Variants in KIAA0825 observed in about 807,000 individuals in gnomAD.
KIAA0825 encodes the protein uncharacterized protein KIAA0825.
Under a neutral mutation model 147.6 loss-of-function variants are expected in KIAA0825, and 119 were observed. The observed-to-expected ratio is 0.81, with a 90% CI of 0.69 to 0.94. The LOEUF is 0.94. Ranked by LOEUF, KIAA0825 falls within the 40% of genes least tolerant of loss-of-function variation. The probability of loss-of-function intolerance (pLI) is 0.00; values close to 1 mark genes in which losing one functional copy is unlikely to be tolerated. For missense variants in KIAA0825, 1,381 were observed against 1,472.7 expected (o/e 0.94, Z 1.02); for synonymous variants, 470 against 518.1 (o/e 0.91, Z 1.26).
chr5:94,419,735 C>T (rs868650043), intron 14 of KIAA0825, among the ~76,000 whole-genome samples: 4 of 152,082 alleles, frequency 2.6e-5, no homozygotes, highest in Admixed American at 6.6e-5. Flanking sequence ...ATTTTGTTGG[C>T]GGGGAGAAGA....
chr5:94,590,432 C>A (rs758093086), intron 1 of KIAA0825, among the ~76,000 whole-genome samples: 1 of 152,074 alleles, frequency 6.6e-6, no homozygotes, highest in Non-Finnish European at 1.5e-5. Flanking sequence ...GAAATGGACA[C>A]GAACTCTCAA....
intron 2 of KIAA0825, among the ~76,000 whole-genome samples, chr5:94,573,564 G>A (rs946824143): frequency 1.3e-5 from 2 of 152,140 alleles, no homozygotes; most frequent in African/African-American, 4.8e-5. Context: ...GAGCCACCAG[G>A]CCCAGCCTCT....
intron 20 of KIAA0825, among the ~76,000 whole-genome samples, chr5:94,354,307 C>T (rs1158824975): frequency 6.6e-6 from 1 of 152,106 alleles, no homozygotes; most frequent in Non-Finnish European, 1.5e-5. Flanking sequence ...ACCTCCCATC[C>T]TCTCTCCAAC....
rs566380772 is a variant in KIAA0825, at chr5:94,477,885, A to T, written c.1133-680T>A. Among the ~76,000 whole-genome samples the T allele has an allele frequency of 3.3e-5, 5 of 152,298 alleles. No homozygotes were observed. In the East Asian group the frequency reaches 9.6e-4, roughly 29 times the overall value. Reference sequence around the variant, plus strand: ...TAACTACTCCAAAATAAATCTTTCTACTTTTCCATTAAGATTAGATTAATG... The same window carrying T: ...TAACTACTCCAAAATAAATCTTTCTTCTTTTCCATTAAGATTAGATTAATG... On this transcript the variant is annotated intron_variant, in intron 6 of 20. Transcript: ENST00000682413.
At chr5:94,565,480 T>C (rs1778546665) in intron 2 of KIAA0825, among the ~76,000 whole-genome samples, 1 of 151,768 alleles carries the variant, frequency 6.6e-6, no homozygotes, top group African/African-American at 2.4e-5. Context: ...TAGCTGGGAT[T>C]ACAGGCGCCC....
At chr5:94,268,725 G>A (rs946604955) in intron 20 of KIAA0825, among the ~76,000 whole-genome samples, 28 of 152,152 alleles carry the variant, frequency 1.8e-4, no homozygotes, top group African/African-American at 5.8e-4. Flanking sequence ...CTTGAAAAAT[G>A]TGTTACTCTG....
chr5:94,272,474 T>TA (rs1777036837), intron 20 of KIAA0825, among the ~76,000 whole-genome samples: 1 of 152,084 alleles, frequency 6.6e-6, no homozygotes, highest in Non-Finnish European at 1.5e-5. Context: ...TATATACACC[T>TA]ACTATGTACC....
chr5:94,217,687 T>C (rs1406569718), intron 20 of KIAA0825, among the ~76,000 whole-genome samples: 2 of 152,204 alleles, frequency 1.3e-5, no homozygotes, highest in African/African-American at 2.4e-5. Flanking sequence ...ATACTTTTGC[T>C]ATTCATGTAT....
At chr5:94,326,832 G>A (rs1168109654) in intron 20 of KIAA0825, among the ~76,000 whole-genome samples, 2 of 152,170 alleles carry the variant, frequency 1.3e-5, no homozygotes, top group African/African-American at 2.4e-5. Context: ...ACCCCCTAGC[G>A]GGGGCACAAA....
intron 1 of KIAA0825, among the ~76,000 whole-genome samples, chr5:94,611,065 G>A (rs1273239720): frequency 6.6e-6 from 1 of 152,024 alleles, no homozygotes; most frequent in African/African-American, 2.4e-5. Context: ...GCTAAAGTCA[G>A]GGAAGTGTCT....
chr5:94,311,006 C>A (rs967835914), intron 20 of KIAA0825, among the ~76,000 whole-genome samples: 3 of 151,632 alleles, frequency 2.0e-5, no homozygotes, highest in African/African-American at 4.8e-5. Context: ...GCATTAAAAT[C>A]ATGCAGGGTC....
chr5:94,356,721 A>AT (rs1156680490), intron 20 of KIAA0825, among the ~76,000 whole-genome samples: 2 of 112,542 alleles, frequency 1.8e-5, no homozygotes, highest in African/African-American at 3.6e-5. Context: ...GTTTAACTTG[A>AT]TTTCTTTTTT....
intron 5 of KIAA0825, among the ~76,000 whole-genome samples, chr5:94,518,909 C>T (rs1330546758): frequency 6.6e-6 from 1 of 151,968 alleles, no homozygotes; most frequent in African/African-American, 2.4e-5. Context: ...ATATTTAGCA[C>T]ATATAAAACT....
At chr5:94,200,581 A>G (rs909004897) in intron 20 of KIAA0825, among the ~76,000 whole-genome samples, 14 of 147,680 alleles carry the variant, frequency 9.5e-5, no homozygotes, top group Non-Finnish European at 1.9e-4. Context: ...GAAATAGGAA[A>G]TATTTGAGGG....
At chr5:94,563,794 C>T (rs557242058) in intron 2 of KIAA0825, among the ~76,000 whole-genome samples, 1 of 152,260 alleles carries the variant, frequency 6.6e-6, no homozygotes, top group South Asian at 2.1e-4. Flanking sequence ...AAGCAATTCT[C>T]CTGCCTCTGC....
At chr5:94,560,475 T>C (rs1777351898) in intron 2 of KIAA0825, among the ~76,000 whole-genome samples, 1 of 152,206 alleles carries the variant, frequency 6.6e-6, no homozygotes, top group Non-Finnish European at 1.5e-5. Context: ...AACTATGACA[T>C]GGCTTGCTTT....
At position 94,175,076 on chromosome 5, in the gene KIAA0825, C is replaced by A. The variant is rs116293534; in HGVS notation, c.3711-20952G>T. On this transcript the variant is annotated intron_variant, in intron 20 of 20. Transcript: ENST00000682413. The stretch of plus-strand genomic sequence containing the variant: ...GCATCTTCCAGCAGCACTCTCATTG[C>A]AGAATTGCATGGAGCAAATGGTGGC... Among the ~76,000 whole-genome samples, 61 of 152,266 alleles carry A rather than the reference C, an allele frequency of 4.0e-4. 1 individual carries two copies. The highest frequency in any genetic ancestry group is 1.4e-3 in the African/African-American group (60 of 41,570).
intron 3 of KIAA0825, among the ~76,000 whole-genome samples, chr5:94,527,461 T>C (rs772510205): frequency 2.7e-4 from 41 of 152,132 alleles, no homozygotes; most frequent in Non-Finnish European, 4.6e-4. Context: ...AATAAAAAGA[T>C]TGTAGAAAAC....
intron 2 of KIAA0825, among the ~76,000 whole-genome samples, chr5:94,554,701 G>A (rs1776186997): frequency 8.7e-6 from 1 of 114,952 alleles, no homozygotes; most frequent in African/African-American, 3.3e-5. Flanking sequence ...TATGAGCCAG[G>A]CATTGTTCTG....
Sources: gnomAD v4.1 joint callset for allele counts (sites outside exome capture counted in the v4.1 genomes callset) on GRCh38, gnomAD v4.1.1 for gene constraint, MANE v1.5 for transcripts, NCBI Gene and HGNC (gene_info 2026-07-23, HGNC 2026-07-21) for gene names.